Variants in URB1 observed in about 807,000 individuals in gnomAD.
URB1 encodes URB1 ribosome biogenesis factor.
A neutral mutation model predicts 242.3 loss-of-function variants in URB1; 197 were observed. The ratio of observed to expected loss-of-function variants is 0.81; its 90% CI spans 0.72 to 0.91. The LOEUF (loss-of-function observed/expected upper bound fraction) is 0.91, where lower values mean the gene tolerates loss of function less well. Among genes scored for constraint, URB1 ranks in the 40% least tolerant of loss-of-function variants. URB1 has a pLI of 0.00. For synonymous variants in URB1, 1,153 were observed against 1,201.8 expected, an observed-to-expected ratio of 0.96 and a Z score of 0.84; for missense variants, 2,721 against 2,860.5, an observed-to-expected ratio of 0.95 and a Z score of 1.11.
intron 30 of URB1, 40 bp from the exon 31 acceptor site, chr21:32,325,429 G>C: frequency 1.3e-6 from 2 of 1,520,026 alleles, no homozygotes; most frequent in Middle Eastern, 1.7e-4. Flanking sequence ...CACACAATAT[G>C]ATTTTATTAT....
intron 8 of URB1, among the ~76,000 whole-genome samples, chr21:32,369,922 C>T (rs1297874498): frequency 2.0e-5 from 3 of 147,540 alleles, no homozygotes; most frequent in Admixed American, 1.4e-4. Context: ...GCTGCAGTAA[C>T]CTACGACTGT....
intron 10 of URB1, among the ~76,000 whole-genome samples, chr21:32,364,735 C>T (rs2033326470): frequency 6.6e-6 from 1 of 152,246 alleles, no homozygotes; most frequent in African/African-American, 2.4e-5. Context: ...AAAGCTTCTC[C>T]TCCTGACTCT....
At chr21:32,344,501 T>C (rs979539340) in intron 24 of URB1, 69 bp downstream of exon 24, 9 of 1,501,686 alleles carry the variant, frequency 6.0e-6, no homozygotes, top group South Asian at 4.0e-5. Context: ...AATGCATCTA[T>C]AGCTTGGTTT....
At position 32,384,479 on chromosome 21, in the gene URB1, T is replaced by C. The variant is rs1201815601; in HGVS notation, c.283-15A>G. 5 of 1,548,246 alleles carry C rather than the reference T, an allele frequency of 3.2e-6. No homozygotes were observed. The highest frequency in any genetic ancestry group is 2.4e-5 in the South Asian group (2 of 83,984). On this transcript the variant is annotated splice_polypyrimidine_tract_variant and intron_variant, in intron 2 of 38. Transcript: ENST00000382751. ...ATTAACATCGTCTGCAAAGACAGAATTGAAACGCTTAGAAATCGTCTCATT... is the reference window on the plus strand; with the variant it reads ...ATTAACATCGTCTGCAAAGACAGAACTGAAACGCTTAGAAATCGTCTCATT...
chr21:32,348,597 AG>A (rs2033121404), intron 21 of URB1, among the ~76,000 whole-genome samples: 1 of 152,216 alleles, frequency 6.6e-6, no homozygotes, highest in African/African-American at 2.4e-5. Flanking sequence ...AGAGACAGAA[AG>A]AAATTTTCTT....
At chr21:32,372,901 A>G (rs533574527) in intron 7 of URB1, among the ~76,000 whole-genome samples, 16 of 152,340 alleles carry the variant, frequency 1.1e-4, no homozygotes, top group African/African-American at 3.6e-4. Context: ...ATAAAATTCC[A>G]TATTTGGGAG....
rs866409125 is a variant in URB1 at position 32,319,274 on chromosome 21, G to C, written c.5735C>G (p.Ala1912Gly). 2.6e-6 allele frequency: 4 copies of C among 1,551,128 alleles called. No individual in the cohort carries two copies. The highest frequency in any genetic ancestry group is 3.5e-6 in the Non-Finnish European group (4 of 1,146,792). ...AAGGAACTCATTGACCAGGTGCAGG[G>C]CAAGCCGCTTGGCAGGCTCCTGGGA... ...PSSQEPAKRL[A>G]LHLVNEFLYV... Residue 1912 changes from alanine to glycine, a missense_variant, in exon 36 of 39, where the codon GCC becomes GGC. By Grantham distance (60) the Ala-to-Gly change is moderately conservative (BLOSUM62 0). Transcript: ENST00000382751.
intron 34 of URB1, among the ~76,000 whole-genome samples, 154 bp downstream of exon 34, chr21:32,321,647 G>A (rs956159117): frequency 3.3e-5 from 5 of 152,172 alleles, no homozygotes; most frequent in Non-Finnish European, 7.3e-5. Context: ...CAGGACAGGC[G>A]CTCTCAACAT....
rs752969342 is a variant in URB1, at chr21:32,357,592, AAC to A, written c.1932_1933del (p.Met644IlefsTer5). The A allele has an allele frequency of 8.5e-6, 13 of 1,536,774 alleles. No individual in the cohort carries two copies. The highest frequency in any genetic ancestry group is 1.1e-5 in the Non-Finnish European group (12 of 1,142,586). ...CAGTTGTAAATGGCTACTGGTCACA[AAC>A]ATTTTCATTAGTAAGTAAAATACTG... On this transcript the variant is annotated frameshift_variant, in exon 15 of 39. Coordinates refer to ENST00000382751, the MANE Select transcript of URB1 (RefSeq NM_014825.3). LOFTEE classifies it high-confidence loss of function.
rs760096641 is a variant in URB1 at position 32,384,324 on chromosome 21, G to C, written c.423C>G (p.Ala141=). 2 of 1,551,876 alleles carry C rather than the reference G, an allele frequency of 1.3e-6. No homozygotes were observed. The highest frequency in any genetic ancestry group is 1.7e-6 in the Non-Finnish European group (2 of 1,146,712). The change falls in exon 3 of 39, where the codon GCC becomes GCG. Residue 141 remains alanine (A), a synonymous_variant. Transcript: ENST00000382751. ...HMKLICESLY[A]SGYRLARACL... ...GGCAGACTGCCTACCTGTAACCTGA[G>C]GCATACAGGGACTCACAGATGAGCT...
intron 8 of URB1, among the ~76,000 whole-genome samples, chr21:32,370,888 A>G (rs1005948530): frequency 2.6e-5 from 4 of 152,214 alleles, no homozygotes; most frequent in Non-Finnish European, 5.9e-5. Flanking sequence ...CTCTAACACC[A>G]GCTTTCAGTG....
rs1276177535 is a variant in URB1 at position 32,361,020 on chromosome 21, G to A, written c.1743C>T (p.Ser581=). 3 of 1,549,870 alleles carry A rather than the reference G, an allele frequency of 1.9e-6. No homozygotes were observed. Among genetic ancestry groups the A allele is most frequent in the Admixed American group, 2.0e-5 (1 of 50,590 alleles). ...HVVMQYNFDF[S]KLLKGVISEQ... ...CTTGAAACCCACCTTTCAGGAGCTT[G>A]CTGAAGTCAAAGTTGTACTGCATGA... Residue 581 remains serine, a synonymous_variant, in exon 13 of 39, where the codon AGC becomes AGT. Coordinates refer to ENST00000382751, the MANE Select transcript of URB1 (RefSeq NM_014825.3).
chr21:32,359,174 A>G (rs535141801), intron 14 of URB1, among the ~76,000 whole-genome samples: 3 of 152,352 alleles, frequency 2.0e-5, no homozygotes, highest in East Asian at 3.9e-4. Flanking sequence ...AGCTCAGATT[A>G]TAAGAAACAC....
Position 32,361,265 on chromosome 21 carries a change from G to A in URB1, c.1640-142C>T, listed in dbSNP as rs560799714. The A allele has an allele frequency of 4.6e-4, 293 of 638,852 alleles. 1 individual carries two copies. The highest frequency in any genetic ancestry group is 1.1e-3 in the South Asian group (55 of 49,218). The allele number at this position is 638,852 out of a possible 1,614,324, so 39.6% of individuals were successfully genotyped here. Reference sequence around the variant, plus strand: ...TCCTTGAGCAGCTGAACCAAGTGTGGCACCACACTGCAGCCAACTGCATGC... The same window carrying A: ...TCCTTGAGCAGCTGAACCAAGTGTGACACCACACTGCAGCCAACTGCATGC... On this transcript the variant is annotated intron_variant, in intron 12 of 38. Transcript: ENST00000382751.
chr21:32,369,724 C>A (rs79658502), intron 8 of URB1, among the ~76,000 whole-genome samples: 2,596 of 152,232 alleles, frequency 0.017, 77 homozygotes, highest in African/African-American at 0.059. Flanking sequence ...AGCACGAGGT[C>A]TTTGCATGGA....
intron 17 of URB1, among the ~76,000 whole-genome samples, 198 bp downstream of exon 17, chr21:32,354,661 A>C (rs182485423): frequency 5.6e-4 from 86 of 152,364 alleles, no homozygotes; most frequent in African/African-American, 2.0e-3. Context: ...AGTAAATACT[A>C]TGCAAATAAA....
Position 32,359,949 on chromosome 21 carries a change from A to G in URB1, c.1757-41T>C, listed in dbSNP as rs528834261. 5.2e-6 allele frequency: 8 copies of G among 1,533,592 alleles called. No individual in the cohort carries two copies. The South Asian group carries it at 9.7e-5, about 19-fold the overall frequency. The allele number at this position is 1,533,592 out of a possible 1,614,324, so 95.0% of individuals were successfully genotyped here. A position where few individuals can be genotyped will look rare whatever the true frequency, so the allele number is the denominator to read the frequency against. On this transcript the variant is annotated intron_variant, in intron 13 of 38. Transcript: ENST00000382751. ...AGGCAGGCTGAAAAAAGTCACATGG[A>G]CGTGGGTGCCCAACAATTGCTGCCC...
At position 32,320,530 on chromosome 21, in the gene URB1, C is replaced by T; in HGVS notation, c.5594+1G>A. 6.5e-7 allele frequency: 1 copy of T among 1,549,252 alleles called. No homozygotes were observed. Among genetic ancestry groups the T allele is most frequent in the Non-Finnish European group, 8.7e-7 (1 of 1,144,940 alleles). ...GCACCTCGCATGCAAAAGGTACTTA[C>T]TTGCTTTCAAGGATGTGTAAAATCC... is the stretch of plus-strand genomic sequence containing the variant. On this transcript the variant is annotated splice_donor_variant, in intron 35 of 38. Coordinates refer to ENST00000382751, the MANE Select transcript of URB1 (RefSeq NM_014825.3). LOFTEE classifies it high-confidence loss of function.
At chr21:32,359,692 C>G in intron 14 of URB1, 104 bp downstream of exon 14, 1 of 990,546 alleles carries the variant, frequency 1.0e-6, no homozygotes, top group East Asian at 2.8e-5. Context: ...CCTCTTCCGT[C>G]TTGCCCCGTC....
Sources: gnomAD v4.1 joint callset for allele counts (sites outside exome capture counted in the v4.1 genomes callset) on GRCh38, gnomAD v4.1.1 for gene constraint, MANE v1.5 for transcripts, NCBI Gene and HGNC (gene_info 2026-07-23, HGNC 2026-07-21) for gene names.